Variants in SYK observed in about 807,000 individuals in gnomAD.
SYK encodes the protein tyrosine-protein kinase SYK.
A neutral mutation model predicts 77.8 loss-of-function variants in SYK; 16 were observed. The ratio of observed to expected loss-of-function variants is 0.21; its 90% CI spans 0.14 to 0.31. The LOEUF (loss-of-function observed/expected upper bound fraction) is 0.31, where lower values mean the gene tolerates loss of function less well. SYK is among the 10% of genes least tolerant of loss of function. The pLI is 1.00. For synonymous variants in SYK, 312 were observed against 308.7 expected (o/e 1.01, Z -0.11); for missense variants, 529 against 814.4 (o/e 0.65, Z 4.26).
chr9:90,834,654 AACCCATG>A (rs1487649764), intron 1 of SYK, among the ~76,000 whole-genome samples: 4 of 152,232 alleles, frequency 2.6e-5, no homozygotes. Flanking sequence ...AAGCTTATCC[AACCCATG>A]ACCCATAGGC....
chr9:90,879,768 T>C (rs150482086), intron 11 of SYK, among the ~76,000 whole-genome samples: 4 of 152,108 alleles, frequency 2.6e-5, no homozygotes, highest in African/African-American at 9.7e-5. Context: ...GAATTAAGGG[T>C]GGACTTCCAG....
intron 1 of SYK, among the ~76,000 whole-genome samples, chr9:90,825,437 A>C (rs1825639473): frequency 6.6e-6 from 1 of 152,338 alleles, no homozygotes; most frequent in Non-Finnish European, 1.5e-5. Context: ...AAAAAGGACA[A>C]AGTTGGAGGA....
intron 1 of SYK, among the ~76,000 whole-genome samples, chr9:90,834,366 C>T (rs1370489358): frequency 4.6e-5 from 7 of 152,198 alleles, no homozygotes; most frequent in African/African-American, 1.4e-4. Context: ...CCACTCATGA[C>T]TGAAATTAGT....
At chr9:90,831,128 A>C (rs984356397) in intron 1 of SYK, among the ~76,000 whole-genome samples, 3 of 152,186 alleles carry the variant, frequency 2.0e-5, no homozygotes, top group African/African-American at 7.2e-5. Flanking sequence ...TTTCCCAGAG[A>C]ACCACTTATT....
chr9:90,885,623 T>C (rs1828534901), intron 11 of SYK, among the ~76,000 whole-genome samples: 1 of 152,190 alleles, frequency 6.6e-6, no homozygotes, highest in Non-Finnish European at 1.5e-5. Context: ...TAATGAAATA[T>C]TAGATCAAAA....
At chr9:90,860,975 C>G (rs979265175) in intron 3 of SYK, among the ~76,000 whole-genome samples, 1 of 152,148 alleles carries the variant, frequency 6.6e-6, no homozygotes, top group Non-Finnish European at 1.5e-5. Context: ...TTTTGGACCT[C>G]AGCTTCCTCA....
At chr9:90,852,545 G>A (rs999639231) in intron 3 of SYK, among the ~76,000 whole-genome samples, 1 of 152,210 alleles carries the variant, frequency 6.6e-6, no homozygotes, top group Non-Finnish European at 1.5e-5. Context: ...TGTATTAAGT[G>A]TATTGTTTTT....
At chr9:90,828,607 T>C (rs1825765921) in intron 1 of SYK, among the ~76,000 whole-genome samples, 1 of 152,166 alleles carries the variant, frequency 6.6e-6, no homozygotes, top group Admixed American at 6.5e-5. Flanking sequence ...GCAAGGGACA[T>C]TGCTAAGTGG....
chr9:90,808,631 G>A (rs1824943851), intron 1 of SYK, among the ~76,000 whole-genome samples: 1 of 152,056 alleles, frequency 6.6e-6, no homozygotes, highest in Non-Finnish European at 1.5e-5. Context: ...TTCTTTGTGG[G>A]TATGGCCATG....
intron 13 of SYK, among the ~76,000 whole-genome samples, chr9:90,894,499 T>A (rs1279082212): frequency 6.6e-6 from 1 of 152,232 alleles, no homozygotes; most frequent in Admixed American, 6.5e-5. Context: ...TAGAAGCCAC[T>A]CTGCTCTTAT....
In SYK at chr9:90,897,886, T is replaced by C; in HGVS notation, c.*2286T>C. The C allele has an allele frequency of 4.4e-6, 1 of 225,290 alleles. No homozygotes were observed. Among genetic ancestry groups the C allele is most frequent in the Non-Finnish European group, 8.8e-6 (1 of 113,162 alleles). 14.0% of individuals were successfully genotyped at this position (225,290 alleles called of 1,614,324 possible). On this transcript the variant is annotated 3_prime_UTR_variant, in exon 14 of 14. Transcript: ENST00000375754. ...TGTGTCTTGTGGTCAGGAATAATTATCCTTTCCCCTGTAGCCACCAAGGAG... is the reference window on the plus strand; with the variant it reads ...TGTGTCTTGTGGTCAGGAATAATTACCCTTTCCCCTGTAGCCACCAAGGAG...
chr9:90,847,178 G>T (rs139330723), intron 3 of SYK, among the ~76,000 whole-genome samples: 26 of 152,340 alleles, frequency 1.7e-4, no homozygotes, highest in African/African-American at 6.0e-4. Flanking sequence ...TGATGAACAT[G>T]CCTTGTTCCC....
At chr9:90,854,451 C>A (rs1399150116) in intron 3 of SYK, among the ~76,000 whole-genome samples, 1 of 152,106 alleles carries the variant, frequency 6.6e-6, no homozygotes, top group East Asian at 1.9e-4. Flanking sequence ...AGCCTGCAGG[C>A]TTGGTGGGTC....
chr9:90,891,542 C>CTTAG (rs1222196196), intron 13 of SYK, among the ~76,000 whole-genome samples: 1 of 152,110 alleles, frequency 6.6e-6, no homozygotes, highest in Non-Finnish European at 1.5e-5. Flanking sequence ...TTTTAGCTTG[C>CTTAG]TTAGCTATGC....
intron 1 of SYK, among the ~76,000 whole-genome samples, chr9:90,816,776 A>T (rs1230497144): frequency 6.6e-6 from 1 of 152,162 alleles, no homozygotes; most frequent in Admixed American, 6.5e-5. Context: ...TCCACATATG[A>T]GTGAGATCAT....
At chr9:90,832,363 T>C (rs1318037762) in intron 1 of SYK, among the ~76,000 whole-genome samples, 1 of 152,262 alleles carries the variant, frequency 6.6e-6, no homozygotes, top group East Asian at 1.9e-4. Context: ...CTAGTGATAA[T>C]AAATTAATCA....
At chr9:90,845,331 C>T in intron 2 of SYK, 103 bp from the exon 3 acceptor site, 2 of 1,264,228 alleles carry the variant, frequency 1.6e-6, no homozygotes, top group Non-Finnish European at 2.2e-6. Flanking sequence ...AAGTTTTGAT[C>T]CTGTTTTACC....
Position 90,895,840 on chromosome 9 carries a change from T to G in SYK, c.*240T>G, listed in dbSNP as rs201615361. 3 of 516,138 alleles carry G rather than the reference T, an allele frequency of 5.8e-6. No homozygotes were observed. The highest frequency in any genetic ancestry group is 1.1e-5 in the Non-Finnish European group (3 of 284,534). 32.0% of individuals were successfully genotyped at this position (516,138 alleles called of 1,614,324 possible). ...AAGGGGCTAGCTGGATTTGTTTGTT[T>G]TCTTGTCTGTGTGATTTTCATACAG... On this transcript the variant is annotated 3_prime_UTR_variant, in exon 14 of 14. Transcript: ENST00000375754. This position sits in a 1 kb window ranked among gnomAD's most constrained non-coding sequence, Gnocchi z 4.4.
intron 3 of SYK, among the ~76,000 whole-genome samples, chr9:90,860,618 A>G (rs1457086423): frequency 6.6e-6 from 1 of 152,126 alleles, no homozygotes; most frequent in Non-Finnish European, 1.5e-5. Flanking sequence ...CAGAGAACCT[A>G]GATATGTGTC....
Sources: allele counts gnomAD v4.1 joint callset (sites outside exome capture counted in the v4.1 genomes callset), GRCh38; gene constraint gnomAD v4.1.1; non-coding constraint Gnocchi (gnomAD v3.1); transcripts MANE v1.5; gene names NCBI Gene and HGNC (gene_info 2026-07-23, HGNC 2026-07-21).